Variants in RMC1 observed in about 807,000 individuals in gnomAD.
The protein encoded by RMC1 is regulator of MON1-CCZ1 complex.
RMC1 carries 44 observed loss-of-function variants against 95.5 expected under a neutral mutation model. The ratio of observed to expected loss-of-function variants is 0.46; its 90% confidence interval spans 0.36 to 0.59. RMC1 has a LOEUF of 0.59. RMC1 is among the 20% of genes least tolerant of loss of function. The probability of loss-of-function intolerance (pLI) is 0.00; values close to 1 mark genes in which losing one functional copy is unlikely to be tolerated. For synonymous variants in RMC1, 320 were observed against 303.6 expected, an observed-to-expected ratio of 1.05 and a Z score of -0.56; for missense variants, 705 against 819.6, an observed-to-expected ratio of 0.86 and a Z score of 1.71.
chr18:23,527,036 C>G (rs891434246), intron 13 of RMC1, among the ~76,000 whole-genome samples: 1 of 152,104 alleles, frequency 6.6e-6, no homozygotes, highest in South Asian at 2.1e-4. Flanking sequence ...CTGGCCTTCA[C>G]ACACACCTCT....
chr18:23,529,791 C>G, intron 16 of RMC1, 79 bp downstream of exon 16: 5 of 1,372,120 alleles, frequency 3.6e-6, no homozygotes, highest in South Asian at 1.2e-5. Flanking sequence ...TAGAAGATGA[C>G]TCATATGCTA....
chr18:23,519,046 G>A (rs778436252), intron 8 of RMC1, 23 bp from the exon 9 acceptor site: 12 of 1,613,196 alleles, frequency 7.4e-6, no homozygotes, highest in Non-Finnish European at 1.0e-5. Flanking sequence ...TTGTTGATCT[G>A]TTTTTTGCTT....
chr18:23,526,272 C>G (rs552122454), intron 12 of RMC1, among the ~76,000 whole-genome samples: 1 of 152,314 alleles, frequency 6.6e-6, no homozygotes, highest in East Asian at 1.9e-4. Flanking sequence ...GAAGTTGATG[C>G]CACGTGTTGA....
chr18:23,527,405 A>AAAT (rs369275891), intron 13 of RMC1, among the ~76,000 whole-genome samples: 1 of 151,762 alleles, frequency 6.6e-6, no homozygotes, highest in African/African-American at 2.4e-5. Context: ...ATCCAAAAAA[A>AAAT]AATAATAATA....
At position 23,519,108 on chromosome 18, in the gene RMC1, T is replaced by C. The variant is rs767588971; in HGVS notation, c.783T>C (p.Asn261=). ...AAAAGATGCACATATTGAAGTTAAA[T>C]AGGACGGGAAAGTTTGCCCTGAACG... ...ACKKMHILKL[N]RTGKFALNVV... Residue 261 remains asparagine (N), a synonymous_variant, in exon 9 of 20, where the codon AAT becomes AAC. Transcript: ENST00000269221. 3 of 1,614,090 alleles carry C rather than the reference T, an allele frequency of 1.9e-6. No homozygotes were observed. In the South Asian group the frequency reaches 3.3e-5, roughly 18 times the overall value.
intron 11 of RMC1, 120 bp from the exon 12 acceptor site, chr18:23,524,309 C>T: frequency 3.4e-6 from 5 of 1,480,106 alleles, no homozygotes; most frequent in Non-Finnish European, 3.8e-6. Flanking sequence ...CCCTGACTGT[C>T]CAGGGGCCTC....
rs763356885 is a variant in RMC1, at chr18:23,529,285, T to G, written c.1403T>G (p.Phe468Cys). 9.3e-6 allele frequency: 15 copies of G among 1,612,570 alleles called. No homozygotes were observed. Among genetic ancestry groups the G allele is most frequent in the South Asian group, 8.8e-5 (8 of 90,822 alleles). ...GTGTACACCCATGTCCTGTCAGCCTTTGTGGAAAAGAAGGTGGGCTGCAGC... is the reference window on the plus strand; with the variant it reads ...GTGTACACCCATGTCCTGTCAGCCTGTGTGGAAAAGAAGGTGGGCTGCAGC... ...SDVYTHVLSA[F>C]VEKKEMPHKF... The change falls in exon 15 of 20, where the codon TTT becomes TGT. Residue 468 changes from phenylalanine to cysteine, a missense_variant. Transcript: ENST00000269221.
rs1269254598 is a variant in RMC1, at chr18:23,530,214, A to G, written c.1600-15A>G. The stretch of plus-strand genomic sequence containing the variant: ...TTATCTTTCCAACTGAAGTGGGTCT[A>G]AAAATGTCTTTCAGGCTTGTCTGCT... On this transcript the variant is annotated splice_polypyrimidine_tract_variant and intron_variant, in intron 17 of 19. Coordinates refer to ENST00000269221, the MANE Select transcript of RMC1 (RefSeq NM_013326.5). The G allele has an allele frequency of 1.9e-6, 3 of 1,614,182 alleles. No individual in the cohort carries two copies. Among genetic ancestry groups the G allele is most frequent in the Middle Eastern group, 1.6e-4 (1 of 6,062 alleles).
Position 23,519,129 on chromosome 18 carries a change from G to C in RMC1, c.804G>C (p.Leu268=). 1 of 1,614,182 alleles carries C rather than the reference G, an allele frequency of 6.2e-7. No homozygotes were observed. Among genetic ancestry groups the C allele is most frequent in the Non-Finnish European group, 8.5e-7 (1 of 1,180,036 alleles). Residue 268 remains leucine (L), a synonymous_variant, in exon 9 of 20, where the codon CTG becomes CTC. Coordinates refer to ENST00000269221, the MANE Select transcript of RMC1 (RefSeq NM_013326.5). ...LKLNRTGKFA[L]NVVDNLVVVH... ...TAAATAGGACGGGAAAGTTTGCCCT[G>C]AACGTGGTGGACAACCTGGTAGTCG... is the stretch of plus-strand genomic sequence containing the variant.
chr18:23,523,658 G>A (rs1409096351), intron 10 of RMC1, among the ~76,000 whole-genome samples: 1 of 151,848 alleles, frequency 6.6e-6, no homozygotes, highest in African/African-American at 2.4e-5. Context: ...AGGAGTTCGT[G>A]GTTATAGTGG....
At chr18:23,521,688 T>A (rs1389161984) in intron 10 of RMC1, among the ~76,000 whole-genome samples, 4 of 72,610 alleles carry the variant, frequency 5.5e-5, no homozygotes, top group African/African-American at 1.6e-4. Flanking sequence ...CAACACACAC[T>A]CTCTCTCTTT....
intron 14 of RMC1, chr18:23,528,188 G>A (rs929755389): frequency 5.8e-5 from 15 of 258,426 alleles, no homozygotes; most frequent in Non-Finnish European, 8.1e-5. Context: ...TACTGTTATA[G>A]ATGAGAAAAA....
intron 10 of RMC1, 45 bp from the exon 11 acceptor site, chr18:23,524,085 C>G (rs766843454): frequency 1.2e-6 from 2 of 1,600,744 alleles, no homozygotes; most frequent in Non-Finnish European, 1.7e-6. Flanking sequence ...GCATTTGCAG[C>G]ATTTTCTGAC....
chr18:23,512,942 T>C (rs2057901861), intron 5 of RMC1, among the ~76,000 whole-genome samples: 1 of 152,092 alleles, frequency 6.6e-6, no homozygotes, highest in African/African-American at 2.4e-5. Context: ...TTTTACTTTC[T>C]GTTTCTATGA....
chr18:23,510,036 A>G (rs2057811627), intron 5 of RMC1, among the ~76,000 whole-genome samples: 1 of 150,822 alleles, frequency 6.6e-6, no homozygotes, highest in Non-Finnish European at 1.5e-5. Context: ...AAAAAAAAGA[A>G]AAGAAAAAGG....
chr18:23,524,320 G>A, intron 11 of RMC1, 109 bp from the exon 12 acceptor site: 5 of 1,491,404 alleles, frequency 3.4e-6, no homozygotes, highest in South Asian at 2.3e-5. Flanking sequence ...CAGGGGCCTC[G>A]CGTTTAGCGT....
intron 12 of RMC1, among the ~76,000 whole-genome samples, chr18:23,526,005 C>T (rs757553527): frequency 2.9e-4 from 44 of 152,280 alleles, no homozygotes; most frequent in African/African-American, 7.2e-4. Flanking sequence ...CTGTGCATCT[C>T]GCTGGTGTTT....
intron 5 of RMC1, among the ~76,000 whole-genome samples, chr18:23,510,049 T>C (rs1380545488): frequency 1.3e-5 from 2 of 149,982 alleles, no homozygotes; most frequent in African/African-American, 4.9e-5. Flanking sequence ...GAAAAAGGGC[T>C]TGGTGGCCCA....
At chr18:23,505,552 C>A (rs1179703103) in intron 2 of RMC1, among the ~76,000 whole-genome samples, 1 of 152,172 alleles carries the variant, frequency 6.6e-6, no homozygotes, top group Non-Finnish European at 1.5e-5. Context: ...CTTATTGAAA[C>A]TTATCAGGTG....
Sources: allele counts gnomAD v4.1 joint callset (sites outside exome capture counted in the v4.1 genomes callset), GRCh38; gene constraint gnomAD v4.1.1; transcripts MANE v1.5; gene names NCBI Gene and HGNC (gene_info 2026-07-23, HGNC 2026-07-21).